Variants in AGAP1 observed in about 807,000 individuals in gnomAD.
The protein encoded by AGAP1 is ArfGAP with GTPase domain, ankyrin repeat and PH domain 1, also known as arf-GAP with GTPase, ANK repeat and PH domain-containing protein 1.
In AGAP1, 29 loss-of-function variants were observed where a neutral mutation model predicts 105.3. The observed-to-expected ratio is 0.28, with a 90% confidence interval of 0.21 to 0.38. The LOEUF is 0.38. Ranked by LOEUF, AGAP1 falls within the 10% of genes least tolerant of loss-of-function variation. The probability of loss-of-function intolerance (pLI) is 1.00; values close to 1 mark genes in which losing one functional copy is unlikely to be tolerated. For synonymous variants in AGAP1, 509 were observed against 485.9 expected, an observed-to-expected ratio of 1.05 and a Z score of -0.63; for missense variants, 998 against 1,165.1, an observed-to-expected ratio of 0.86 and a Z score of 2.09.
rs571573159 is a variant in AGAP1, at chr2:235,567,496, GC to G, written c.163+72649del. Among the ~76,000 whole-genome samples, 53 of 152,308 alleles carry G rather than the reference GC, an allele frequency of 3.5e-4. No individual in the cohort carries two copies. In the East Asian group the frequency reaches 8.9e-3, roughly 26 times the overall value. On this transcript the variant is annotated intron_variant, in intron 1 of 17. Transcript: ENST00000304032. ...CTACAGCTCCCTACCCACACCTGCAGCCTTGCTTCTCCCCGTGTCTGTTCTT... is the reference window on the plus strand; with the variant it reads ...CTACAGCTCCCTACCCACACCTGCAGCTTGCTTCTCCCCGTGTCTGTTCTT...
rs924712777 is a variant in AGAP1 at position 235,900,643 on chromosome 2, G to A, written c.1156-8095G>A. Among the ~76,000 whole-genome samples the A allele has an allele frequency of 3.9e-5, 6 of 152,130 alleles. No individual in the cohort carries two copies. The highest frequency in any genetic ancestry group is 8.8e-5 in the Non-Finnish European group (6 of 68,016). On this transcript the variant is annotated intron_variant, in intron 10 of 17. Coordinates refer to ENST00000304032, the MANE Select transcript of AGAP1 (RefSeq NM_001037131.3). The surrounding 1 kb of genome is among the most constrained non-coding windows in gnomAD (Gnocchi z 5.5). ...CTTTGCCTCAGCCCTGCAAAGTATTGTCACCTAGTTGGCATTGTAATTGTG... is the reference window on the plus strand; with the variant it reads ...CTTTGCCTCAGCCCTGCAAAGTATTATCACCTAGTTGGCATTGTAATTGTG...
intron 7 of AGAP1, among the ~76,000 whole-genome samples, chr2:235,798,506 G>A (rs1319266679): frequency 1.3e-5 from 2 of 152,128 alleles, no homozygotes; most frequent in Admixed American, 6.5e-5. Context: ...GGAAGGGTTC[G>A]GTGTCGTACT....
intron 1 of AGAP1, among the ~76,000 whole-genome samples, chr2:235,495,387 G>A (rs1185773042): frequency 6.6e-6 from 1 of 152,242 alleles, no homozygotes; most frequent in Non-Finnish European, 1.5e-5. Context: ...CCCTAGCCGC[G>A]GGAGCATCGT....
intron 9 of AGAP1, among the ~76,000 whole-genome samples, chr2:235,833,411 G>C (rs552203296): frequency 9.2e-5 from 14 of 152,278 alleles, no homozygotes; most frequent in Admixed American, 7.8e-4. Flanking sequence ...CTTAATGCCA[G>C]TACTCCAGGA....
intron 13 of AGAP1, among the ~76,000 whole-genome samples, chr2:236,033,014 C>G (rs1968707): frequency 0.99 from 151,046 of 152,308 alleles, 74,900 homozygotes; most frequent in Middle Eastern, 1. Flanking sequence ...GGGAGGCCAA[C>G]GTGGGCGGAT....
intron 16 of AGAP1, among the ~76,000 whole-genome samples, chr2:236,094,587 A>G (rs2125882510): frequency 6.6e-6 from 1 of 152,178 alleles, no homozygotes; most frequent in East Asian, 1.9e-4. Flanking sequence ...CCTGGATTCA[A>G]GCGATCCTCC....
chr2:235,951,338 A>G lies in AGAP1; in HGVS notation c.1484-17124A>G, dbSNP rs1033254783. Among the ~76,000 whole-genome samples, 2 of 152,056 alleles carry G rather than the reference A, an allele frequency of 1.3e-5. No individual in the cohort carries two copies. The highest frequency in any genetic ancestry group is 2.9e-5 in the Non-Finnish European group (2 of 68,022). On this transcript the variant is annotated intron_variant, in intron 12 of 17. Coordinates refer to ENST00000304032, the MANE Select transcript of AGAP1 (RefSeq NM_001037131.3). The surrounding 1 kb of genome is among the most constrained non-coding windows in gnomAD (Gnocchi z 4.2). ...ATTCAAATTATCTTTCATGTTACAA[A>G]CTTTTCCAGCAGTTACCAGCCCCAG... is the stretch of plus-strand genomic sequence containing the variant.
chr2:235,774,917 G>A (rs967570859), intron 6 of AGAP1, among the ~76,000 whole-genome samples: 5 of 152,264 alleles, frequency 3.3e-5, no homozygotes, highest in African/African-American at 1.2e-4. Flanking sequence ...CAAAAACGAA[G>A]CCACCACCCC....
At chr2:235,637,447 A>AT (rs1947042693) in intron 1 of AGAP1, among the ~76,000 whole-genome samples, 1 of 147,474 alleles carries the variant, frequency 6.8e-6, no homozygotes, top group Non-Finnish European at 1.5e-5. Context: ...TAATTGTATT[A>AT]TTATTTTTTT....
chr2:235,513,841 A>T (rs559557134), intron 1 of AGAP1, among the ~76,000 whole-genome samples: 1 of 152,072 alleles, frequency 6.6e-6, no homozygotes, highest in Admixed American at 6.5e-5. Context: ...GTTTGCCGTT[A>T]TGATGTCCAT....
chr2:235,684,931 A>G (rs1229560608), intron 1 of AGAP1, among the ~76,000 whole-genome samples: 9 of 152,184 alleles, frequency 5.9e-5, no homozygotes, highest in Non-Finnish European at 1.2e-4. Context: ...TGACTGTGGC[A>G]TACAAGTCAC....
At position 235,908,709 on chromosome 2, in the gene AGAP1, C is replaced by A. The variant is rs878917199; in HGVS notation, c.1156-29C>A. 3.5e-6 allele frequency: 5 copies of A among 1,443,836 alleles called. No homozygotes were observed. Among genetic ancestry groups the A allele is most frequent in the Non-Finnish European group, 3.7e-6 (4 of 1,080,042 alleles). The allele number at this position is 1,443,836 out of a possible 1,614,324, so 89.4% of individuals were successfully genotyped here. ...TAAAAGGTCTTTTTTTTTTTTTTAT[C>A]TCTCTTGGATGTTTAACATTTTCAA... On this transcript the variant is annotated intron_variant, in intron 10 of 17. Transcript: ENST00000304032. The surrounding 1 kb of genome is among the most constrained non-coding windows in gnomAD (Gnocchi z 4.4).
At chr2:235,573,172 C>T (rs1333158090) in intron 1 of AGAP1, among the ~76,000 whole-genome samples, 3 of 149,454 alleles carry the variant, frequency 2.0e-5, no homozygotes, top group Non-Finnish European at 2.9e-5. Flanking sequence ...GCACAGACAG[C>T]TCCCTGCACC....
In AGAP1 at chr2:235,891,415, C is replaced by T. The variant is rs1402461842; in HGVS notation, c.1155+7966C>T. Reference sequence around the variant, plus strand: ...ATGAGTGTCTCATGGTTTTCAGACACTTTGCTGGATCACAGTTCAGGTGGA... The same window carrying T: ...ATGAGTGTCTCATGGTTTTCAGACATTTTGCTGGATCACAGTTCAGGTGGA... On this transcript the variant is annotated intron_variant, in intron 10 of 17. Coordinates refer to ENST00000304032, the MANE Select transcript of AGAP1 (RefSeq NM_001037131.3). This position sits in a 1 kb window ranked among gnomAD's most constrained non-coding sequence, Gnocchi z 4.2. 1.3e-5 allele frequency among the ~76,000 whole-genome samples: 2 copies of T among 152,144 alleles called. No homozygotes were observed. Among genetic ancestry groups the T allele is most frequent in the Admixed American group, 6.5e-5 (1 of 15,282 alleles).
rs1349999852 is a variant in AGAP1 at position 236,109,087 on chromosome 2, G to A, written c.2115-11105G>A. 6.6e-6 allele frequency among the ~76,000 whole-genome samples: 1 copy of A among 152,210 alleles called. No homozygotes were observed. The highest frequency in any genetic ancestry group is 1.5e-5 in the Non-Finnish European group (1 of 68,046). The stretch of plus-strand genomic sequence containing the variant: ...CATGAGGAACAGAGAATGGGGCATT[G>A]CAGGAAGACAGCATTTCTCTCTGAA... On this transcript the variant is annotated intron_variant, in intron 16 of 17. Transcript: ENST00000304032. The surrounding 1 kb of genome is among the most constrained non-coding windows in gnomAD (Gnocchi z 5.4).
At chr2:235,502,847 T>G (rs1574699364) in intron 1 of AGAP1, among the ~76,000 whole-genome samples, 2 of 152,118 alleles carry the variant, frequency 1.3e-5, no homozygotes, top group Admixed American at 1.3e-4. Context: ...AATACAACCA[T>G]GTTGATTTCC....
chr2:235,933,400 A>G (rs957844259), intron 12 of AGAP1, among the ~76,000 whole-genome samples: 1 of 152,194 alleles, frequency 6.6e-6, no homozygotes, highest in African/African-American at 2.4e-5. Context: ...CAGCACTGCC[A>G]AATTAGCATC....
At chr2:235,932,044 T>C (rs2052748242) in intron 12 of AGAP1, among the ~76,000 whole-genome samples, 1 of 152,232 alleles carries the variant, frequency 6.6e-6, no homozygotes, top group South Asian at 2.1e-4. Context: ...TCTCTAAGGC[T>C]CTCTGCCTCA....
chr2:235,899,222 C>G (rs1038721648), intron 10 of AGAP1, among the ~76,000 whole-genome samples: 2 of 152,116 alleles, frequency 1.3e-5, no homozygotes, highest in African/African-American at 4.8e-5. Flanking sequence ...TCTTAAAACT[C>G]TACTGTTTGG....
Sources: gnomAD v4.1 joint callset for allele counts (sites outside exome capture counted in the v4.1 genomes callset) on GRCh38, gnomAD v4.1.1 for gene constraint, Gnocchi (gnomAD v3.1) non-coding constraint, MANE v1.5 for transcripts, NCBI Gene and HGNC (gene_info 2026-07-23, HGNC 2026-07-21) for gene names.